The following GLIS3 variants were observed in gnomAD, a reference collection of about 807,000 sequenced individuals.
The protein encoded by GLIS3 is zinc finger protein GLIS3.
Under a neutral mutation model 78.6 loss-of-function variants are expected in GLIS3, and 53 were observed. The ratio of observed to expected loss-of-function variants is 0.67; its 90% confidence interval spans 0.54 to 0.85. The LOEUF is 0.85. GLIS3 is among the 40% of genes least tolerant of loss of function. The pLI, the probability that GLIS3 is intolerant of heterozygous loss-of-function variation, is 0.00. For synonymous variants in GLIS3, 684 were observed against 509.9 expected (o/e 1.34, Z -4.60); for missense variants, 1,703 against 1,231.1 (o/e 1.38, Z -5.74).
chr9:4,386,087 G>C, the GLIS3 span, among the ~76,000 whole-genome samples: 1 of 152,170 alleles, frequency 6.6e-6, no homozygotes, highest in African/African-American at 2.4e-5. Context: ...TTCTGCAAAT[G>C]CTTTATTTGG....
chr9:4,089,250 C>T (rs1829295560), intron 4 of GLIS3, among the ~76,000 whole-genome samples: 1 of 152,118 alleles, frequency 6.6e-6, no homozygotes, highest in Non-Finnish European at 1.5e-5. Flanking sequence ...ACTAACAAGA[C>T]ACGTATCACC....
intron 7 of GLIS3, 37 bp downstream of exon 7, chr9:3,898,651 AAAG>A (rs1240107217): frequency 6.2e-7 from 1 of 1,613,636 alleles, no homozygotes; most frequent in African/African-American, 1.3e-5. Context: ...AAGGCCTAAA[AAAG>A]GGTAGTTGTG....
chr9:4,470,509 G>T, the GLIS3 span, among the ~76,000 whole-genome samples: 1 of 152,192 alleles, frequency 6.6e-6, no homozygotes, highest in Non-Finnish European at 1.5e-5. Context: ...AAAGCCACAT[G>T]ATTATCTCAA....
chr9:4,058,987 C>CAAAAAAAAAAAAA (rs111956039), intron 4 of GLIS3, among the ~76,000 whole-genome samples: 1 of 130,676 alleles, frequency 7.7e-6, no homozygotes. Context: ...ATCTCAAAAA[C>CAAAAAAAAAAAAA]AAAAAAAAAA....
chr9:3,876,402 G>C (rs1821310725), intron 8 of GLIS3, among the ~76,000 whole-genome samples: 1 of 151,622 alleles, frequency 6.6e-6, no homozygotes, highest in African/African-American at 2.4e-5. Context: ...TCCAGCTATA[G>C]AAAACATTAT....
At chr9:4,435,172 T>C in the GLIS3 span, among the ~76,000 whole-genome samples, 1 of 152,248 alleles carries the variant, frequency 6.6e-6, no homozygotes, top group Non-Finnish European at 1.5e-5. Context: ...ATTCTTCCTC[T>C]CAATGACTGC....
In GLIS3 at chr9:3,915,302, C is replaced by T. The variant is rs1026577574; in HGVS notation, c.1984-16467G>A. The stretch of plus-strand genomic sequence containing the variant: ...CCCTCTCAAAAAAACAAAATTCCAT[C>T]CCAGAAGTTCAGACTAGAAAGTCAA... On this transcript the variant is annotated intron_variant, in intron 6 of 10. Coordinates refer to ENST00000381971, the MANE Select transcript of GLIS3 (RefSeq NM_001042413.2). Among the ~76,000 whole-genome samples, 3 of 152,262 alleles carry T rather than the reference C, an allele frequency of 2.0e-5. No homozygotes were observed. In the South Asian group the frequency reaches 6.2e-4, roughly 32 times the overall value.
intron 2 of GLIS3, among the ~76,000 whole-genome samples, chr9:4,249,744 T>A (rs1241690316): frequency 6.6e-6 from 1 of 152,236 alleles, no homozygotes; most frequent in African/African-American, 2.4e-5. Flanking sequence ...AGTATGATAT[T>A]GACTGTGGGT....
At chr9:4,405,965 C>G in the GLIS3 span, among the ~76,000 whole-genome samples, 1 of 152,132 alleles carries the variant, frequency 6.6e-6, no homozygotes, top group African/African-American at 2.4e-5. Flanking sequence ...GGACAAAATC[C>G]ATATGATCAT....
intron 2 of GLIS3, among the ~76,000 whole-genome samples, chr9:4,323,680 G>A (rs529882395): frequency 1.3e-5 from 2 of 152,164 alleles, no homozygotes; most frequent in Admixed American, 6.5e-5. Flanking sequence ...TCTCCTCTGT[G>A]GTCATTACCA....
chr9:4,363,130 A>G, the GLIS3 span, among the ~76,000 whole-genome samples: 1 of 152,200 alleles, frequency 6.6e-6, no homozygotes, highest in Non-Finnish European at 1.5e-5. Flanking sequence ...ACCAATAATT[A>G]AGAATAAGCT....
chr9:3,932,355 A>G lies in GLIS3; in HGVS notation c.1983+5T>C. 6.2e-7 allele frequency: 1 copy of G among 1,604,872 alleles called. No individual in the cohort carries two copies. The highest frequency in any genetic ancestry group is 1.3e-5 in the African/African-American group (1 of 74,840). On this transcript the variant is annotated splice_donor_5th_base_variant and intron_variant, in intron 6 of 10. Transcript: ENST00000381971. ...CCCGACTGGAAGATTCTCTTTTAAA[A>G]TTACCTTTTTCCTTGCTTGTTGCTC...
intron 4 of GLIS3, among the ~76,000 whole-genome samples, chr9:4,064,775 A>C (rs1443784526): frequency 1.3e-5 from 2 of 152,174 alleles, no homozygotes; most frequent in East Asian, 3.9e-4. Flanking sequence ...AAACTACTTA[A>C]ATCTTATTTC....
At chr9:3,854,833 C>T (rs956948718) in intron 9 of GLIS3, among the ~76,000 whole-genome samples, 1 of 152,188 alleles carries the variant, frequency 6.6e-6, no homozygotes, top group African/African-American at 2.4e-5. Flanking sequence ...CGTGAGCCAC[C>T]ATGCCCAGCC....
chr9:3,919,217 T>C (rs1383394877), intron 6 of GLIS3, among the ~76,000 whole-genome samples: 1 of 152,184 alleles, frequency 6.6e-6, no homozygotes, highest in Non-Finnish European at 1.5e-5. Context: ...GTTGATAAGT[T>C]ATAAAATTTT....
intron 2 of GLIS3, among the ~76,000 whole-genome samples, chr9:4,253,694 C>A (rs369535498): frequency 2.0e-5 from 3 of 152,192 alleles, no homozygotes; most frequent in Non-Finnish European, 4.4e-5. Context: ...TCCGCCCAAA[C>A]GGCCGCCCAG....
At chr9:4,355,932 G>T in the GLIS3 span, among the ~76,000 whole-genome samples, 1 of 152,146 alleles carries the variant, frequency 6.6e-6, no homozygotes, top group South Asian at 2.1e-4. Flanking sequence ...GTTTGGTATG[G>T]TTACATAGAC....
chr9:4,224,483 C>G (rs1181208584), intron 2 of GLIS3, among the ~76,000 whole-genome samples: 2 of 152,166 alleles, frequency 1.3e-5, no homozygotes, highest in South Asian at 2.1e-4. Context: ...TATCTTGTGT[C>G]TCATCATTAG....
intron 2 of GLIS3, among the ~76,000 whole-genome samples, chr9:4,328,492 C>T (rs1465004889): frequency 2.0e-5 from 3 of 152,236 alleles, no homozygotes; most frequent in African/African-American, 7.2e-5. Context: ...TAAAATGTGG[C>T]TCTGCCCTAA....
Sources: gnomAD v4.1 joint callset for allele counts (sites outside exome capture counted in the v4.1 genomes callset) on GRCh38, gnomAD v4.1.1 for gene constraint, MANE v1.5 for transcripts, NCBI Gene and HGNC (gene_info 2026-07-23, HGNC 2026-07-21) for gene names.